The following TBC1D31 variants were observed in gnomAD, a reference collection of about 807,000 sequenced individuals.
TBC1D31 encodes WD repeat domain 67.
In TBC1D31, 99 loss-of-function variants were observed where a neutral mutation model predicts 132.9. That is an observed-to-expected ratio of 0.74 (90% CI 0.63 to 0.88). The LOEUF (loss-of-function observed/expected upper bound fraction) is 0.88. TBC1D31 is among the 40% of genes least tolerant of loss of function. TBC1D31 has a pLI of 0.00. For missense variants in TBC1D31, 1,134 were observed against 1,256.6 expected, an observed-to-expected ratio of 0.90 and a Z score of 1.48; for synonymous variants, 385 against 419.4, an observed-to-expected ratio of 0.92 and a Z score of 1.00.
chr8:123,082,150 A>C (rs1461523941), intron 2 of TBC1D31, among the ~76,000 whole-genome samples: 1 of 152,196 alleles, frequency 6.6e-6, no homozygotes, highest in Admixed American at 6.5e-5. Flanking sequence ...CTTTTGCCTA[A>C]GTTCAAAAGC....
At chr8:123,159,214 C>G in the TBC1D31 span, among the ~76,000 whole-genome samples, 5 of 146,254 alleles carry the variant, frequency 3.4e-5, no homozygotes, top group African/African-American at 1.3e-4. Flanking sequence ...GCAAGCTACC[C>G]AACATATTAA....
intron 8 of TBC1D31, among the ~76,000 whole-genome samples, chr8:123,107,837 A>T (rs151245438): frequency 1.5e-3 from 222 of 152,332 alleles, no homozygotes; most frequent in African/African-American, 5.2e-3. Flanking sequence ...CAAGTCCTCA[A>T]CTAATCTTTG....
intron 5 of TBC1D31, 39 bp from the exon 6 acceptor site, chr8:123,097,243 T>C: frequency 6.2e-7 from 1 of 1,610,714 alleles, no homozygotes; most frequent in Non-Finnish European, 8.5e-7. Context: ...CTACAAACAA[T>C]TGAACCCGTT....
Position 123,097,272 on chromosome 8 carries a change from G to A in TBC1D31, c.672-10G>A, listed in dbSNP as rs758008094. On this transcript the variant is annotated splice_polypyrimidine_tract_variant and intron_variant, in intron 5 of 21. Coordinates refer to ENST00000287380, the MANE Select transcript of TBC1D31 (RefSeq NM_145647.4). ...ACCCGTTTTTCTTTCTCACTTTTTT[G>A]TTTATATAGAGATGGCCGAATCCTG... is the stretch of plus-strand genomic sequence containing the variant. 1 of 1,610,382 alleles carries A rather than the reference G, an allele frequency of 6.2e-7. No individual in the cohort carries two copies. The highest frequency in any genetic ancestry group is 8.5e-7 in the Non-Finnish European group (1 of 1,179,000).
intron 17 of TBC1D31, among the ~76,000 whole-genome samples, chr8:123,140,483 C>T (rs1821539504): frequency 6.6e-6 from 1 of 152,098 alleles, no homozygotes; most frequent in Non-Finnish European, 1.5e-5. Context: ...GTAAATGCTC[C>T]CCAGATAGCT....
At chr8:123,097,183 T>C (rs888742983) in intron 5 of TBC1D31, 99 bp from the exon 6 acceptor site, 98 of 1,316,252 alleles carry the variant, frequency 7.4e-5, no homozygotes, top group Admixed American at 3.7e-4. Context: ...TTGCATAGCA[T>C]AGACACAGTA....
chr8:123,087,243 A>G (rs1815859617), intron 4 of TBC1D31, among the ~76,000 whole-genome samples: 1 of 152,102 alleles, frequency 6.6e-6, no homozygotes, highest in African/African-American at 2.4e-5. Context: ...TTTGGTTTTC[A>G]GGTTTTTTTT....
chr8:123,098,886 A>G (rs1397568747), intron 6 of TBC1D31, among the ~76,000 whole-genome samples: 1 of 152,166 alleles, frequency 6.6e-6, no homozygotes, highest in Non-Finnish European at 1.5e-5. Context: ...TCAACTGCAG[A>G]TGAGGGGCTT....
At chr8:123,143,052 G>A (rs1821856818) in intron 19 of TBC1D31, among the ~76,000 whole-genome samples, 1 of 152,098 alleles carries the variant, frequency 6.6e-6, no homozygotes, top group African/African-American at 2.4e-5. Flanking sequence ...CAGCCTTTCT[G>A]CACCTCTTCT....
Position 123,105,274 on chromosome 8 carries a change from A to AT in TBC1D31, c.1033-9dup. The AT allele has an allele frequency of 6.6e-7, 1 of 1,504,692 alleles. No homozygotes were observed. Among genetic ancestry groups the AT allele is most frequent in the Non-Finnish European group, 8.9e-7 (1 of 1,126,922 alleles). 93.2% of individuals were successfully genotyped at this position (1,504,692 alleles called of 1,614,324 possible). ...TATCCATTAGAATATATATATATTT[A>AT]TTTTTCCATTTAGCCACCTCCGCCT... On this transcript the variant is annotated splice_polypyrimidine_tract_variant and intron_variant, in intron 7 of 21. Coordinates refer to ENST00000287380, the MANE Select transcript of TBC1D31 (RefSeq NM_145647.4).
chr8:123,114,824 G>A (rs1818766324), intron 10 of TBC1D31, among the ~76,000 whole-genome samples: 1 of 152,100 alleles, frequency 6.6e-6, no homozygotes. Context: ...TAATGCAAAA[G>A]TATTCACATA....
Position 123,093,757 on chromosome 8 carries a change from A to G in TBC1D31, c.671+15A>G. 2 of 1,497,152 alleles carry G rather than the reference A, an allele frequency of 1.3e-6. No homozygotes were observed. Among genetic ancestry groups the G allele is most frequent in the Non-Finnish European group, 1.8e-6 (2 of 1,107,152 alleles). The allele number at this position is 1,497,152 out of a possible 1,614,324, so 92.7% of individuals were successfully genotyped here. A position where few individuals can be genotyped will look rare whatever the true frequency, so the allele number is the denominator to read the frequency against. On this transcript the variant is annotated intron_variant, in intron 5 of 21. Transcript: ENST00000287380. ...GCTGTAACCAGGTAATGTGCATTTTAAGACACTAGGAATATTTAAGAAATT... is the reference window on the plus strand; with the variant it reads ...GCTGTAACCAGGTAATGTGCATTTTGAGACACTAGGAATATTTAAGAAATT...
chr8:123,100,747 T>C, intron 6 of TBC1D31, 60 bp from the exon 7 acceptor site: 1 of 1,327,298 alleles, frequency 7.5e-7, no homozygotes, highest in Non-Finnish European at 1.1e-6. Context: ...GTGTATATAG[T>C]AGGACTTTCA....
intron 11 of TBC1D31, among the ~76,000 whole-genome samples, chr8:123,125,203 A>T (rs1819916129): frequency 6.6e-6 from 1 of 152,210 alleles, no homozygotes; most frequent in Non-Finnish European, 1.5e-5. Context: ...AAAATTAAAA[A>T]AATTTTAAAA....
chr8:123,077,703 A>G (rs1254898863), intron 2 of TBC1D31, among the ~76,000 whole-genome samples: 1 of 152,018 alleles, frequency 6.6e-6, no homozygotes, highest in African/African-American at 2.4e-5. Flanking sequence ...TAGAAATAAC[A>G]CAGTTTTCTT....
intron 10 of TBC1D31, among the ~76,000 whole-genome samples, chr8:123,116,965 C>T (rs906672669): frequency 6.6e-6 from 1 of 152,088 alleles, no homozygotes; most frequent in Non-Finnish European, 1.5e-5. Context: ...TGGGACACCA[C>T]GGTGATAATT....
chr8:123,127,195 G>T (rs1039852844), intron 13 of TBC1D31, among the ~76,000 whole-genome samples: 4 of 151,286 alleles, frequency 2.6e-5, no homozygotes, highest in African/African-American at 7.3e-5. Context: ...ATTATAGCAG[G>T]CTAGTAGTCT....
chr8:123,116,471 G>A (rs1346361158), intron 10 of TBC1D31, among the ~76,000 whole-genome samples: 1 of 152,286 alleles, frequency 6.6e-6, no homozygotes, highest in East Asian at 1.9e-4. Context: ...AAAAGGGCTA[G>A]AATGAATCTT....
the TBC1D31 span, among the ~76,000 whole-genome samples, chr8:123,161,118 CG>C: frequency 1.3e-5 from 2 of 152,110 alleles, no homozygotes; most frequent in Non-Finnish European, 2.9e-5. Context: ...GGCGAGGACC[CG>C]CTGGGGACCC....
Sources: allele counts gnomAD v4.1 joint callset (sites outside exome capture counted in the v4.1 genomes callset), GRCh38; gene constraint gnomAD v4.1.1; transcripts MANE v1.5; gene names NCBI Gene and HGNC (gene_info 2026-07-23, HGNC 2026-07-21).